The following SLC17A7 variants were observed in gnomAD, a reference collection of about 807,000 sequenced individuals.
SLC17A7 encodes vesicular glutamate transporter 1.
Under a neutral mutation model 59.1 loss-of-function variants are expected in SLC17A7, and 15 were observed. The observed-to-expected ratio is 0.25, with a 90% CI of 0.17 to 0.39. The LOEUF (loss-of-function observed/expected upper bound fraction) is 0.39. Among genes scored for constraint, SLC17A7 ranks in the 10% least tolerant of loss-of-function variants. The pLI is 1.00. For missense variants in SLC17A7, 499 were observed against 765.1 expected, an observed-to-expected ratio of 0.65 and a Z score of 4.10; for synonymous variants, 353 against 308.9, an observed-to-expected ratio of 1.14 and a Z score of -1.50.
intron 5 of SLC17A7, 92 bp downstream of exon 5, chr19:49,434,510 G>GC (rs995133145): frequency 4.7e-5 from 54 of 1,156,864 alleles, no homozygotes; most frequent in African/African-American, 1.3e-4. Context: ...CAGGAGTTCA[G>GC]CCCCCCCAGC....
intron 1 of SLC17A7, 64 bp downstream of exon 1, chr19:49,441,254 A>T (rs544092389): frequency 1.3e-6 from 2 of 1,572,936 alleles, no homozygotes; most frequent in Non-Finnish European, 1.7e-6. Flanking sequence ...GTCTGCGCCC[A>T]GGTGGGAATT....
Position 49,431,558 on chromosome 19 carries a change from C to A in SLC17A7, c.1151-110G>T. On this transcript the variant is annotated intron_variant, in intron 9 of 11. Coordinates refer to ENST00000221485, the MANE Select transcript of SLC17A7 (RefSeq NM_020309.4). The surrounding 1 kb of genome is among the most constrained non-coding windows in gnomAD (Gnocchi z 4.6). Reference sequence around the variant, plus strand: ...TCCAGCCCCAAACCGCGTCTATCCACCCCAGTCTGGCCACCTCCACGCCCA... The same window carrying A: ...TCCAGCCCCAAACCGCGTCTATCCAACCCAGTCTGGCCACCTCCACGCCCA... 1.1e-6 allele frequency: 1 copy of A among 878,226 alleles called. No homozygotes were observed. The allele number at this position is 878,226 out of a possible 1,614,324, so 54.4% of individuals were successfully genotyped here.
At position 49,430,713 on chromosome 19, in the gene SLC17A7, A is replaced by G; in HGVS notation, c.1489T>C (p.Trp497Arg). The G allele has an allele frequency of 6.2e-7, 1 of 1,614,150 alleles. No homozygotes were observed. Among genetic ancestry groups the G allele is most frequent in the Non-Finnish European group, 8.5e-7 (1 of 1,180,010 alleles). Residue 497 changes from tryptophan to arginine, a missense_variant, in exon 12 of 12, where the codon TGG becomes CGG. By Grantham distance (101) the Trp-to-Arg change is moderately radical. Transcript: ENST00000221485. ...GVFASGEKQPWAEPEEMSEEK... is the reference protein window; with the variant it reads ...GVFASGEKQPRAEPEEMSEEK... ...TCGCTCATCTCCTCAGGCTCTGCCCACGGCTGCTTCTCTCCAGAAGCAAAG... is the reference window on the plus strand; with the variant it reads ...TCGCTCATCTCCTCAGGCTCTGCCCGCGGCTGCTTCTCTCCAGAAGCAAAG...
At chr19:49,438,004 A>T (rs1300749166) in intron 1 of SLC17A7, 1 of 150,894 alleles carries the variant, frequency 6.6e-6, no homozygotes, top group African/African-American at 2.5e-5. Flanking sequence ...ACCCAGAAAG[A>T]GGGGGACAGA....
intron 1 of SLC17A7, among the ~76,000 whole-genome samples, chr19:49,438,693 G>A (rs1453372741): frequency 2.0e-5 from 3 of 152,106 alleles, no homozygotes; most frequent in Admixed American, 6.5e-5. Context: ...AAGCCACTAG[G>A]ACGAATAGTA....
Position 49,441,398 on chromosome 19 carries a change from C to G in SLC17A7, c.-19G>C, listed in dbSNP as rs1449611358. On this transcript the variant is annotated 5_prime_UTR_variant, in exon 1 of 12. Coordinates refer to ENST00000221485, the MANE Select transcript of SLC17A7 (RefSeq NM_020309.4). The stretch of plus-strand genomic sequence containing the variant: ...ACTCCATGGTGGCGGCTCCTGCCGC[C>G]GGTCACCCCGCGGGTCCCCCCCGCC... The G allele has an allele frequency of 6.6e-7, 1 of 1,516,486 alleles. No individual in the cohort carries two copies. Among genetic ancestry groups the G allele is most frequent in the South Asian group, 1.2e-5 (1 of 82,432 alleles). 93.9% of individuals were successfully genotyped at this position (1,516,486 alleles called of 1,614,324 possible).
chr19:49,435,631 C>T lies in SLC17A7; in HGVS notation c.316-345G>A, dbSNP rs140446388. 3.7e-4 allele frequency: 74 copies of T among 200,256 alleles called. 1 individual carries two copies. In the East Asian group the frequency reaches 9.6e-3, roughly 26 times the overall value. 12.4% of individuals were successfully genotyped at this position (200,256 alleles called of 1,614,324 possible). A position where few individuals can be genotyped will look rare whatever the true frequency, so the allele number is the denominator to read the frequency against. On this transcript the variant is annotated intron_variant, in intron 2 of 11. Transcript: ENST00000221485. Reference sequence around the variant, plus strand: ...ATGAGCGTTTGCGGAGTGACCTGCACAGGGTCCAGGCGGGGACACGAAGCA... The same window carrying T: ...ATGAGCGTTTGCGGAGTGACCTGCATAGGGTCCAGGCGGGGACACGAAGCA...
chr19:49,439,432 T>C (rs2078991647), intron 1 of SLC17A7, among the ~76,000 whole-genome samples: 1 of 152,136 alleles, frequency 6.6e-6, no homozygotes, highest in African/African-American at 2.4e-5. Context: ...TGGCATCCCA[T>C]TCCCCCATGT....
intron 5 of SLC17A7, 145 bp from the exon 6 acceptor site, chr19:49,434,191 C>T (rs1249381448): frequency 6.3e-6 from 4 of 636,786 alleles, no homozygotes; most frequent in Admixed American, 2.7e-5. Flanking sequence ...GGCCTAGCCC[C>T]TCCTCGCTCG....
In SLC17A7 at chr19:49,436,894, C is replaced by T; in HGVS notation, c.63-93G>A. ...ATCCAGGGCAAAACCTGCTTTTCAA[C>T]ATCCAGAATTCTAAGCCCGCACCTC... On this transcript the variant is annotated intron_variant, in intron 1 of 11. Transcript: ENST00000221485. This position sits in a 1 kb window ranked among gnomAD's most constrained non-coding sequence, Gnocchi z 4.1. 6.7e-7 allele frequency: 1 copy of T among 1,495,684 alleles called. No individual in the cohort carries two copies. Among genetic ancestry groups the T allele is most frequent in the Non-Finnish European group, 8.9e-7 (1 of 1,124,276 alleles). 92.7% of individuals were successfully genotyped at this position (1,495,684 alleles called of 1,614,324 possible).
intron 1 of SLC17A7, among the ~76,000 whole-genome samples, chr19:49,439,608 G>A (rs2078992287): frequency 6.6e-6 from 1 of 152,086 alleles, no homozygotes; most frequent in Admixed American, 6.5e-5. Flanking sequence ...TGGAGCCTCA[G>A]TTTCCCCATC....
chr19:49,439,330 C>T (rs1291853759), intron 1 of SLC17A7, among the ~76,000 whole-genome samples: 1 of 152,142 alleles, frequency 6.6e-6, no homozygotes, highest in Non-Finnish European at 1.5e-5. Context: ...CAGACAAGAA[C>T]AGCAATGGGA....
rs373899808 is a variant in SLC17A7 at position 49,431,454 on chromosome 19, G to A, written c.1151-6C>T. ...CGTGGCTTCCATGCCGAAGCCTACGGGGGCGGGGGGGGCCCGCGTCTCCTG... is the reference window on the plus strand; with the variant it reads ...CGTGGCTTCCATGCCGAAGCCTACGAGGGCGGGGGGGGCCCGCGTCTCCTG... On this transcript the variant is annotated splice_region_variant and splice_polypyrimidine_tract_variant and intron_variant, in intron 9 of 11. Coordinates refer to ENST00000221485, the MANE Select transcript of SLC17A7 (RefSeq NM_020309.4). The surrounding 1 kb of genome is among the most constrained non-coding windows in gnomAD (Gnocchi z 4.6). 4.1e-4 allele frequency: 664 copies of A among 1,611,484 alleles called. 2 individuals are homozygous for A. The highest frequency in any genetic ancestry group is 5.0e-4 in the Non-Finnish European group (589 of 1,178,782).
rs2122289126 is a variant in SLC17A7, at chr19:49,429,986, T to C, written c.*533A>G. On this transcript the variant is annotated 3_prime_UTR_variant, in exon 12 of 12. Coordinates refer to ENST00000221485, the MANE Select transcript of SLC17A7 (RefSeq NM_020309.4). ...GGGGACTTGAAACCGCCATTTTCCA[T>C]CAGAAACGCTGGTGAGAATCAATCC... 5.8e-6 allele frequency: 1 copy of C among 172,624 alleles called. No homozygotes were observed. The allele number at this position is 172,624 out of a possible 1,614,324, so 10.7% of individuals were successfully genotyped here.
rs532448856 is a variant in SLC17A7 at position 49,431,932 on chromosome 19, C to T, written c.1151-484G>A. ...GGGATAACAGGGGTTAGCCACCATG[C>T]CCTGCCTGTTTTTTAATTTTTAATT... is the stretch of plus-strand genomic sequence containing the variant. On this transcript the variant is annotated intron_variant, in intron 9 of 11. Coordinates refer to ENST00000221485, the MANE Select transcript of SLC17A7 (RefSeq NM_020309.4). This position sits in a 1 kb window ranked among gnomAD's most constrained non-coding sequence, Gnocchi z 4.6. 1.3e-5 allele frequency among the ~76,000 whole-genome samples: 2 copies of T among 152,234 alleles called. No individual in the cohort carries two copies. Among genetic ancestry groups the T allele is most frequent in the East Asian group, 1.9e-4 (1 of 5,184 alleles).
In SLC17A7 at chr19:49,441,341, A is replaced by G. The variant is rs1353503396; in HGVS notation, c.39T>C (p.Gly13=). 2 of 1,608,546 alleles carry G rather than the reference A, an allele frequency of 1.2e-6. No homozygotes were observed. Among genetic ancestry groups the G allele is most frequent in the Non-Finnish European group, 1.7e-6 (2 of 1,178,610 alleles). The change falls in exon 1 of 12, where the codon GGT becomes GGC. Residue 13 remains glycine, a synonymous_variant. Transcript: ENST00000221485. ...FRQEEFRKLA[G]RALGKLHRLL... The stretch of plus-strand genomic sequence containing the variant: ...ACCGGTGCAGCTTCCCGAGAGCACG[A>G]CCCGCTAGCTTCCGAAACTCCTCCT...
Position 49,431,512 on chromosome 19 carries a change from A to G in SLC17A7, c.1151-64T>C. The G allele has an allele frequency of 7.2e-7, 1 of 1,392,114 alleles. No homozygotes were observed. The highest frequency in any genetic ancestry group is 1.2e-5 in the South Asian group (1 of 84,458). 86.2% of individuals were successfully genotyped at this position (1,392,114 alleles called of 1,614,324 possible). On this transcript the variant is annotated intron_variant, in intron 9 of 11. Transcript: ENST00000221485. The surrounding 1 kb of genome is among the most constrained non-coding windows in gnomAD (Gnocchi z 4.6). Reference sequence around the variant, plus strand: ...GCCGGAGCAAGGCGCAGGCTGCCCCACACCGCCCTTCCAGACCTGCTCCAG... The same window carrying G: ...GCCGGAGCAAGGCGCAGGCTGCCCCGCACCGCCCTTCCAGACCTGCTCCAG...
In SLC17A7 at chr19:49,431,529, C is replaced by G. The variant is rs914463693; in HGVS notation, c.1151-81G>C. ...GCTGCCCCACACCGCCCTTCCAGAC[C>G]TGCTCCAGCCCCAAACCGCGTCTAT... On this transcript the variant is annotated intron_variant, in intron 9 of 11. Coordinates refer to ENST00000221485, the MANE Select transcript of SLC17A7 (RefSeq NM_020309.4). This position sits in a 1 kb window ranked among gnomAD's most constrained non-coding sequence, Gnocchi z 4.6. 1 of 1,189,866 alleles carries G rather than the reference C, an allele frequency of 8.4e-7. No individual in the cohort carries two copies. Among genetic ancestry groups the G allele is most frequent in the Admixed American group, 2.1e-5 (1 of 48,700 alleles). 73.7% of individuals were successfully genotyped at this position (1,189,866 alleles called of 1,614,324 possible). A position where few individuals can be genotyped will look rare whatever the true frequency, so the allele number is the denominator to read the frequency against.
chr19:49,437,115 G>T, intron 1 of SLC17A7: 1 of 455,846 alleles, frequency 2.2e-6, no homozygotes, highest in South Asian at 2.7e-5. Flanking sequence ...TGGGATTCAA[G>T]AGCCTGTGCC....
Sources: allele counts gnomAD v4.1 joint callset (sites outside exome capture counted in the v4.1 genomes callset), GRCh38; gene constraint gnomAD v4.1.1; non-coding constraint Gnocchi (gnomAD v3.1); transcripts MANE v1.5; gene names NCBI Gene and HGNC (gene_info 2026-07-23, HGNC 2026-07-21).